TNK2: variants seen among roughly 807,000 people sequenced by gnomAD.
The protein encoded by TNK2 is activated CDC42 kinase 1.
Under a neutral mutation model 101.8 loss-of-function variants are expected in TNK2, and 83 were observed. The observed-to-expected ratio is 0.82, with a 90% CI of 0.68 to 0.98. The LOEUF is 0.98. Among genes scored for constraint, TNK2 ranks in the 50% least tolerant of loss-of-function variants. The pLI is 0.00. For synonymous variants in TNK2, 804 were observed against 633.0 expected, an observed-to-expected ratio of 1.27 and a Z score of -4.06; for missense variants, 1,665 against 1,483.2, an observed-to-expected ratio of 1.12 and a Z score of -2.01.
At position 195,872,374 on chromosome 3, in the gene TNK2, G is replaced by A; in HGVS notation, c.1353C>T (p.Ala451=). 2 of 1,613,388 alleles carry A rather than the reference G, an allele frequency of 1.2e-6. No homozygotes were observed. The highest frequency in any genetic ancestry group is 1.7e-6 in the Non-Finnish European group (2 of 1,179,910). The change falls in exon 10 of 16, where the codon GCC becomes GCT. Residue 451 remains alanine (A), a synonymous_variant. Coordinates refer to ENST00000672887, the MANE Select transcript of TNK2 (RefSeq NM_001382273.1). ...NVVTSVAGLS[A]QDISQPLQNS... is the part of the protein sequence containing the mutation. ...TCTGCAGGGGCTGGCTGATGTCCTG[G>A]GCCGACAGGCCGGCCACGGAGGTCA...
chr3:195,872,378 G>C lies in TNK2; in HGVS notation c.1349C>G (p.Ser450Trp). ...CAGGGGCTGGCTGATGTCCTGGGCC[G>C]ACAGGCCGGCCACGGAGGTCACCAC... is the stretch of plus-strand genomic sequence containing the variant. ...RNVVTSVAGL[S>W]AQDISQPLQN... is the part of the protein sequence containing the mutation. Residue 450 changes from serine to tryptophan, a missense_variant, in exon 10 of 16, where the codon TCG becomes TGG. Transcript: ENST00000672887. 1 of 1,613,354 alleles carries C rather than the reference G, an allele frequency of 6.2e-7. No homozygotes were observed. Among genetic ancestry groups the C allele is most frequent in the Non-Finnish European group, 8.5e-7 (1 of 1,179,888 alleles).
Position 195,867,495 on chromosome 3 carries a change from T to G in TNK2, c.2803A>C (p.Lys935Gln), listed in dbSNP as rs1317734706. 1 of 1,448,262 alleles carries G rather than the reference T, an allele frequency of 6.9e-7. No individual in the cohort carries two copies. The highest frequency in any genetic ancestry group is 1.2e-5 in the South Asian group (1 of 84,928). The allele number at this position is 1,448,262 out of a possible 1,614,324, so 89.7% of individuals were successfully genotyped here. The change falls in exon 13 of 16, where the codon AAG becomes CAG. Residue 935 changes from lysine to glutamine, a missense_variant. By Grantham distance (53) the Lys-to-Gln change is moderately conservative (BLOSUM62 1). Transcript: ENST00000672887. ...CTGTTGTTGGTGGAGAAGTTGGCCTTGGGGTCCAAGGCAGCCTGGGGCATC... is the reference window on the plus strand; with the variant it reads ...CTGTTGTTGGTGGAGAAGTTGGCCTGGGGGTCCAAGGCAGCCTGGGGCATC... ...RPMPQAALDPKANFSTNNSNP... is the reference protein window; with the variant it reads ...RPMPQAALDPQANFSTNNSNP...
At chr3:195,864,217 A>T (rs762897057) in intron 15 of TNK2, 30 bp from the exon 16 acceptor site, 1 of 1,613,744 alleles carries the variant, frequency 6.2e-7, no homozygotes, top group African/African-American at 1.3e-5. Context: ...CAGCACAGTT[A>T]AACAGTTTAC....
rs547910250 is a variant in TNK2 at position 195,898,817 on chromosome 3, G to A, written c.-19+9668C>T. On this transcript the variant is annotated intron_variant, in intron 1 of 15. Coordinates refer to ENST00000672887, the MANE Select transcript of TNK2 (RefSeq NM_001382273.1). ...CCCTTTAATTTTAATGTCTGCGGCT[G>A]GGCCCGGTGGCTCACGTCTGTAATC... is the stretch of plus-strand genomic sequence containing the variant. 7.9e-5 allele frequency among the ~76,000 whole-genome samples: 12 copies of A among 152,288 alleles called. No individual in the cohort carries two copies. In the South Asian group the frequency reaches 2.5e-3, roughly 32 times the overall value.
chr3:195,884,768 G>A (rs956697988), intron 4 of TNK2, 44 bp downstream of exon 4: 22 of 1,546,314 alleles, frequency 1.4e-5, no homozygotes, highest in East Asian at 4.8e-5. Context: ...TACCAGCCCC[G>A]GGTCCCATGC....
chr3:195,903,053 T>C (rs1362057643), intron 1 of TNK2, among the ~76,000 whole-genome samples: 5 of 150,642 alleles, frequency 3.3e-5, no homozygotes, highest in African/African-American at 1.2e-4. Context: ...CCCGGCCAGC[T>C]AACACCACTT....
chr3:195,892,008 C>T, intron 1 of TNK2: 1 of 1,018,236 alleles, frequency 9.8e-7, no homozygotes, highest in Non-Finnish European at 1.2e-6. Context: ...CTCCGGGATG[C>T]TGGTGAGGCA....
intron 1 of TNK2, among the ~76,000 whole-genome samples, chr3:195,895,714 C>T (rs2149807584): frequency 6.6e-6 from 1 of 152,274 alleles, no homozygotes; most frequent in African/African-American, 2.4e-5. Context: ...CCAACTGGGG[C>T]CTTGGGGATT....
At chr3:195,871,392 C>T (rs1047444209) in intron 10 of TNK2, among the ~76,000 whole-genome samples, 2 of 152,132 alleles carry the variant, frequency 1.3e-5, no homozygotes, top group African/African-American at 4.8e-5. Flanking sequence ...CCCAGTCCCA[C>T]TCTGGTTCTG....
Position 195,885,588 on chromosome 3 carries a change from G to A in TNK2, c.235-555C>T, listed in dbSNP as rs1443995624. The A allele has an allele frequency of 1.6e-6, 2 of 1,288,790 alleles. No homozygotes were observed. The highest frequency in any genetic ancestry group is 1.5e-5 in the African/African-American group (1 of 65,834). The allele number at this position is 1,288,790 out of a possible 1,614,324, so 79.8% of individuals were successfully genotyped here. A position where few individuals can be genotyped will look rare whatever the true frequency, so the allele number is the denominator to read the frequency against. On this transcript the variant is annotated intron_variant, in intron 3 of 15. Transcript: ENST00000672887. The surrounding 1 kb of genome is among the most constrained non-coding windows in gnomAD (Gnocchi z 4.7). ...ATTTTAGTCTGAGGTTGAACCGTGA[G>A]TGTGTGTGTGGTTCAGATGAAGCTA...
intron 1 of TNK2, among the ~76,000 whole-genome samples, chr3:195,898,592 G>A (rs921282335): frequency 4.6e-5 from 7 of 152,152 alleles, no homozygotes; most frequent in African/African-American, 1.7e-4. Flanking sequence ...CAAGCCAAGT[G>A]TTTGCCCTTC....
intron 9 of TNK2, among the ~76,000 whole-genome samples, chr3:195,877,243 C>A (rs948481942): frequency 6.6e-6 from 1 of 152,182 alleles, no homozygotes; most frequent in Non-Finnish European, 1.5e-5. Flanking sequence ...TAACCACAGG[C>A]CCTGCAGTCT....
intron 1 of TNK2, among the ~76,000 whole-genome samples, chr3:195,894,096 A>C (rs1168957169): frequency 6.6e-6 from 1 of 152,178 alleles, no homozygotes; most frequent in Non-Finnish European, 1.5e-5. Context: ...CTTTTCCCCA[A>C]ACCTTGGCTG....
intron 2 of TNK2, among the ~76,000 whole-genome samples, chr3:195,887,822 G>C (rs1015742392): frequency 2.2e-5 from 3 of 138,516 alleles, no homozygotes; most frequent in African/African-American, 9.3e-5. Context: ...GTGCATGCGG[G>C]TGTGCGCACA....
chr3:195,888,532 C>G lies in TNK2; in HGVS notation c.57G>C (p.Leu19=). ...CTCGGAGCCGCAGGAAGTACTGTTG[C>G]AGCTGCACCTCGGACAGCAGCTCCA... is the stretch of plus-strand genomic sequence containing the variant. ...WLLELLSEVQ[L]QQYFLRLRDD... Residue 19 remains leucine (L), a synonymous_variant, in exon 2 of 16, where the codon CTG becomes CTC. Coordinates refer to ENST00000672887, the MANE Select transcript of TNK2 (RefSeq NM_001382273.1). The surrounding 1 kb of genome is among the most constrained non-coding windows in gnomAD (Gnocchi z 5.3). 6.2e-7 allele frequency: 1 copy of G among 1,613,330 alleles called. No homozygotes were observed. The highest frequency in any genetic ancestry group is 8.5e-7 in the Non-Finnish European group (1 of 1,179,964).
intron 11 of TNK2, 133 bp downstream of exon 11, chr3:195,869,981 A>G (rs2149273658): frequency 4.3e-6 from 3 of 699,488 alleles, no homozygotes; most frequent in Non-Finnish European, 7.0e-6. Flanking sequence ...CCAGGGACAC[A>G]GCTGTCCCGC....
Position 195,888,706 on chromosome 3 carries a change from C to T in TNK2, c.-18-100G>A, listed in dbSNP as rs1373971923. ...ACCTTCATCCCACTACACGGCCACCCGGAAGGGCTCACACCACCTTCTGAC... is the reference window on the plus strand; with the variant it reads ...ACCTTCATCCCACTACACGGCCACCTGGAAGGGCTCACACCACCTTCTGAC... On this transcript the variant is annotated intron_variant, in intron 1 of 15. Coordinates refer to ENST00000672887, the MANE Select transcript of TNK2 (RefSeq NM_001382273.1). The surrounding 1 kb of genome is among the most constrained non-coding windows in gnomAD (Gnocchi z 5.3). The T allele has an allele frequency of 4.3e-6, 5 of 1,163,424 alleles. No homozygotes were observed. The highest frequency in any genetic ancestry group is 2.9e-4 in the Middle Eastern group (1 of 3,414). 72.1% of individuals were successfully genotyped at this position (1,163,424 alleles called of 1,614,324 possible). A position where few individuals can be genotyped will look rare whatever the true frequency, so the allele number is the denominator to read the frequency against.
chr3:195,879,278 T>C (rs999600227), intron 6 of TNK2, 103 bp from the exon 7 acceptor site: 15 of 1,537,730 alleles, frequency 9.8e-6, no homozygotes, highest in Non-Finnish European at 1.3e-5. Flanking sequence ...TGTGACCCCC[T>C]GTGCCAGGTT....
Position 195,872,743 on chromosome 3 carries a change from G to T in TNK2, c.1257-273C>A, listed in dbSNP as rs1433448523. Reference sequence around the variant, plus strand: ...ATAAGGAGGCACGCTGGAAGCTGCTGCAGCAGGCAACATGACCTGTCCACG... The same window carrying T: ...ATAAGGAGGCACGCTGGAAGCTGCTTCAGCAGGCAACATGACCTGTCCACG... On this transcript the variant is annotated intron_variant, in intron 9 of 15. Coordinates refer to ENST00000672887, the MANE Select transcript of TNK2 (RefSeq NM_001382273.1). 1.5e-5 allele frequency: 7 copies of T among 461,536 alleles called. 1 individual carries two copies. In the South Asian group the frequency reaches 2.2e-4, roughly 14 times the overall value. 28.6% of individuals were successfully genotyped at this position (461,536 alleles called of 1,614,324 possible). A position where few individuals can be genotyped will look rare whatever the true frequency, so the allele number is the denominator to read the frequency against.
Sources: gnomAD v4.1 joint callset for allele counts (sites outside exome capture counted in the v4.1 genomes callset) on GRCh38, gnomAD v4.1.1 for gene constraint, Gnocchi (gnomAD v3.1) non-coding constraint, MANE v1.5 for transcripts, NCBI Gene and HGNC (gene_info 2026-07-23, HGNC 2026-07-21) for gene names.